The following RALGPS1 variants were observed in gnomAD, a reference collection of about 807,000 sequenced individuals.
RALGPS1 encodes the protein ras-specific guanine nucleotide-releasing factor RalGPS1.
A neutral mutation model predicts 78.8 loss-of-function variants in RALGPS1; 19 were observed. The ratio of observed to expected loss-of-function variants is 0.24; its 90% CI spans 0.17 to 0.35. The LOEUF is 0.35. Ranked by LOEUF, RALGPS1 falls within the 10% of genes least tolerant of loss-of-function variation. The probability of loss-of-function intolerance (pLI) is 1.00; values close to 1 mark genes in which losing one functional copy is unlikely to be tolerated. For missense variants in RALGPS1, 454 were observed against 688.3 expected, an observed-to-expected ratio of 0.66 and a Z score of 3.81; for synonymous variants, 228 against 256.3, an observed-to-expected ratio of 0.89 and a Z score of 1.06.
At chr9:127,191,183 CT>C (rs1161176161) in intron 11 of RALGPS1, among the ~76,000 whole-genome samples, 16 of 152,124 alleles carry the variant, frequency 1.1e-4, no homozygotes, top group African/African-American at 3.9e-4. Context: ...TGTGATTCGC[CT>C]TTTAACACTG....
chr9:127,216,621 G>C (rs1262921906), intron 18 of RALGPS1, among the ~76,000 whole-genome samples: 1 of 152,208 alleles, frequency 6.6e-6, no homozygotes, highest in Non-Finnish European at 1.5e-5. Context: ...TAATTCTGTA[G>C]CTTCTAGAGA....
chr9:127,156,165 C>T (rs1032151725), intron 8 of RALGPS1, among the ~76,000 whole-genome samples: 2 of 152,036 alleles, frequency 1.3e-5, no homozygotes, highest in African/African-American at 2.4e-5. Context: ...CATGATGTTC[C>T]GCTACTTGGA....
At chr9:127,048,156 C>T (rs1341619282) in intron 5 of RALGPS1, among the ~76,000 whole-genome samples, 1 of 152,130 alleles carries the variant, frequency 6.6e-6, no homozygotes, top group Non-Finnish European at 1.5e-5. Flanking sequence ...GTCCTCCCCT[C>T]CTCACCACAC....
At chr9:126,923,546 G>A (rs1009198865) in intron 1 of RALGPS1, among the ~76,000 whole-genome samples, 1 of 152,178 alleles carries the variant, frequency 6.6e-6, no homozygotes, top group Admixed American at 6.5e-5. Flanking sequence ...GGAATGATGG[G>A]TTTAAGGTCT....
At chr9:127,052,441 T>C (rs2048372827) in intron 6 of RALGPS1, among the ~76,000 whole-genome samples, 1 of 152,216 alleles carries the variant, frequency 6.6e-6, no homozygotes, top group Admixed American at 6.5e-5. Flanking sequence ...ATTATGCAGA[T>C]TGGTACCATC....
rs555355603 is a variant in RALGPS1 at position 127,050,388 on chromosome 9, C to T, written c.390+256C>T. 4.6e-5 allele frequency among the ~76,000 whole-genome samples: 7 copies of T among 152,228 alleles called. No homozygotes were observed. In the South Asian group the frequency reaches 1.4e-3, roughly 32 times the overall value. ...CCTATAATTTTAGTGGCCAGCCATTCTCCTTACCTGGGCTTTCACAGTCTC... is the reference window on the plus strand; with the variant it reads ...CCTATAATTTTAGTGGCCAGCCATTTTCCTTACCTGGGCTTTCACAGTCTC... On this transcript the variant is annotated intron_variant, in intron 6 of 18. Coordinates refer to ENST00000259351, the MANE Select transcript of RALGPS1 (RefSeq NM_014636.3).
intron 8 of RALGPS1, among the ~76,000 whole-genome samples, chr9:127,074,931 G>T (rs367867632): frequency 1.2e-4 from 18 of 152,352 alleles, no homozygotes; most frequent in African/African-American, 4.3e-4. Context: ...CCCCCATCAG[G>T]CACTGTGTGA....
chr9:126,932,611 A>G (rs1229444046), intron 1 of RALGPS1, among the ~76,000 whole-genome samples: 1 of 152,228 alleles, frequency 6.6e-6, no homozygotes, highest in African/African-American at 2.4e-5. Flanking sequence ...GATGAATTTC[A>G]CAAACATAAT....
Position 127,089,116 on chromosome 9 carries a change from C to T in RALGPS1, c.610+19760C>T, listed in dbSNP as rs775904300. On this transcript the variant is annotated intron_variant, in intron 8 of 18. Transcript: ENST00000259351. ...CACAGGCGTTATACCACCAGCCTCC[C>T]TTCTGGTAGTGGGCACAGTTTCCTG... 6.2e-6 allele frequency: 10 copies of T among 1,614,080 alleles called. No individual in the cohort carries two copies. In the East Asian group the frequency reaches 2.0e-4, roughly 32 times the overall value.
chr9:126,933,429 C>T (rs1228580476), intron 1 of RALGPS1, among the ~76,000 whole-genome samples: 1 of 152,142 alleles, frequency 6.6e-6, no homozygotes, highest in Non-Finnish European at 1.5e-5. Context: ...CTTCAAGGGT[C>T]AAAGCTGTTC....
chr9:127,099,780 T>G (rs1371294670), intron 8 of RALGPS1, among the ~76,000 whole-genome samples: 1 of 152,262 alleles, frequency 6.6e-6, no homozygotes, highest in African/African-American at 2.4e-5. Context: ...CCAAAGGCAT[T>G]TCAGTTCCTG....
intron 8 of RALGPS1, chr9:127,089,002 T>A: frequency 6.2e-7 from 1 of 1,614,150 alleles, no homozygotes; most frequent in Non-Finnish European, 8.5e-7. Flanking sequence ...AGTAAGAGCC[T>A]CCTCGGAACT....
chr9:127,202,378 G>A (rs2061680495), intron 14 of RALGPS1, among the ~76,000 whole-genome samples: 1 of 152,090 alleles, frequency 6.6e-6, no homozygotes, highest in South Asian at 2.1e-4. Context: ...CAGAGTTCAG[G>A]CTGCAGATGC....
intron 8 of RALGPS1, among the ~76,000 whole-genome samples, chr9:127,120,727 C>G (rs2055974546): frequency 6.6e-6 from 1 of 151,924 alleles, no homozygotes; most frequent in Admixed American, 6.6e-5. Context: ...ACTCGGGAGG[C>G]TGAGGCAGGA....
intron 4 of RALGPS1, among the ~76,000 whole-genome samples, chr9:127,005,272 T>C (rs2043728701): frequency 6.6e-6 from 1 of 152,248 alleles, no homozygotes; most frequent in Admixed American, 6.5e-5. Context: ...GAAGAATTGT[T>C]ATACTGCAAA....
intron 7 of RALGPS1, among the ~76,000 whole-genome samples, chr9:127,064,256 A>G (rs1049508925): frequency 1.3e-5 from 2 of 152,170 alleles, no homozygotes; most frequent in African/African-American, 2.4e-5. Context: ...ACTTTCTTCT[A>G]TGTAGTTCTG....
Position 127,098,059 on chromosome 9 carries a change from C to T in RALGPS1, c.610+28703C>T, listed in dbSNP as rs1441070904. 2.0e-5 allele frequency among the ~76,000 whole-genome samples: 3 copies of T among 152,310 alleles called. No individual in the cohort carries two copies. In the East Asian group the frequency reaches 5.8e-4, roughly 29 times the overall value. On this transcript the variant is annotated intron_variant, in intron 8 of 18. Transcript: ENST00000259351. ...GAAAGCTGACATTTTTGAAGTTGTT[C>T]ACCCCCCCAACTAATTCCTCCTCCA...
At chr9:127,096,256 A>G (rs747303310) in intron 8 of RALGPS1, among the ~76,000 whole-genome samples, 1 of 152,216 alleles carries the variant, frequency 6.6e-6, no homozygotes, top group African/African-American at 2.4e-5. Flanking sequence ...AGCCCCAGGG[A>G]TGGAGGCAGA....
chr9:126,988,191 T>C (rs1329527639), intron 4 of RALGPS1, among the ~76,000 whole-genome samples: 1 of 152,038 alleles, frequency 6.6e-6, no homozygotes, highest in Admixed American at 6.5e-5. Flanking sequence ...GCCTCAAGCC[T>C]GGCGGGGGTG....
Sources: allele counts gnomAD v4.1 joint callset (sites outside exome capture counted in the v4.1 genomes callset), GRCh38; gene constraint gnomAD v4.1.1; transcripts MANE v1.5; gene names NCBI Gene and HGNC (gene_info 2026-07-23, HGNC 2026-07-21).